The following LBR variants were observed in gnomAD, a reference collection of about 807,000 sequenced individuals.
The protein encoded by LBR is delta(14)-sterol reductase LBR.
A neutral mutation model predicts 74.3 loss-of-function variants in LBR; 28 were observed. That is an observed-to-expected ratio of 0.38 (90% CI 0.28 to 0.52). The LOEUF is 0.52. Among genes scored for constraint, LBR ranks in the 20% least tolerant of loss-of-function variants. The probability of loss-of-function intolerance (pLI) is 0.89; values close to 1 mark genes in which losing one functional copy is unlikely to be tolerated. For synonymous variants in LBR, 228 were observed against 269.3 expected, an observed-to-expected ratio of 0.85 and a Z score of 1.50; for missense variants, 717 against 760.3, an observed-to-expected ratio of 0.94 and a Z score of 0.67.
intron 6 of LBR, 22 bp from the exon 7 acceptor site, chr1:225,415,354 A>G: frequency 1.5e-6 from 2 of 1,370,060 alleles, no homozygotes; most frequent in Non-Finnish European, 2.1e-6. Context: ...AAAAATTTAC[A>G]AATTTACTAA....
At chr1:225,404,033 G>C (rs2096086509) in intron 13 of LBR, among the ~76,000 whole-genome samples, 2 of 151,748 alleles carry the variant, frequency 1.3e-5, no homozygotes, top group African/African-American at 4.9e-5. Context: ...TCCCCACGAG[G>C]CCAGACACAC....
chr1:225,423,887 C>T (rs1261688013), intron 2 of LBR, 24 bp downstream of exon 2: 2 of 1,604,968 alleles, frequency 1.2e-6, no homozygotes, highest in Non-Finnish European at 8.5e-7. Flanking sequence ...TAAACACACT[C>T]TGATAAACCA....
At chr1:225,426,223 C>A (rs991744167) in intron 1 of LBR, among the ~76,000 whole-genome samples, 1 of 152,220 alleles carries the variant, frequency 6.6e-6, no homozygotes, top group African/African-American at 2.4e-5. Flanking sequence ...TACACAAGAT[C>A]CACACACAAT....
chr1:225,412,411 C>T, intron 8 of LBR, 43 bp downstream of exon 8: 2 of 1,580,440 alleles, frequency 1.3e-6, no homozygotes, highest in East Asian at 2.2e-5. Flanking sequence ...TGCTGGAGGG[C>T]TCTGGGACGC....
intron 6 of LBR, among the ~76,000 whole-genome samples, chr1:225,417,229 C>A (rs17558203): frequency 6.6e-6 from 1 of 152,134 alleles, no homozygotes; most frequent in South Asian, 2.1e-4. Context: ...CAGCTCTACC[C>A]TCCTATCACT....
rs2096092478 is a variant in LBR, at chr1:225,406,714, T to C, written c.1433A>G (p.His478Arg). The C allele has an allele frequency of 1.2e-6, 2 of 1,613,860 alleles. No individual in the cohort carries two copies. Among genetic ancestry groups the C allele is most frequent in the African/African-American group, 1.3e-5 (1 of 74,984 alleles). The part of the protein sequence containing the change: ...YSFQAFYLVS[H>R]PNEVSWPMAS... ...CATTGGCCAAGACACTTCATTTGGATGACTGACTAAATAAAAGGCTTGGAA... is the reference window on the plus strand; with the variant it reads ...CATTGGCCAAGACACTTCATTTGGACGACTGACTAAATAAAAGGCTTGGAA... The change falls in exon 11 of 14, where the codon CAT (histidine) becomes CGT (arginine). Residue 478 changes from histidine to arginine, a missense_variant. By Grantham distance (29) the His-to-Arg change is conservative. Coordinates refer to ENST00000272163, the MANE Select transcript of LBR (RefSeq NM_002296.4).
intron 6 of LBR, 59 bp from the exon 7 acceptor site, chr1:225,415,391 T>C (rs972102201): frequency 7.5e-6 from 6 of 800,334 alleles, no homozygotes; most frequent in Non-Finnish European, 1.0e-5. Flanking sequence ...TATACATATA[T>C]ACACACACAC....
intron 11 of LBR, 169 bp downstream of exon 11, chr1:225,406,495 C>G (rs2096091915): frequency 1.6e-6 from 1 of 610,168 alleles, no homozygotes; most frequent in East Asian, 2.8e-5. Context: ...TACGAACCAT[C>G]CATTCTCTTT....
At chr1:225,411,188 CAAGA>C in intron 9 of LBR, 145 bp downstream of exon 9, 1 of 697,958 alleles carries the variant, frequency 1.4e-6, no homozygotes, top group Non-Finnish European at 2.6e-6. Flanking sequence ...AAAATACTTA[CAAGA>C]AAGTATTTTG....
At chr1:225,407,528 C>T (rs2096094794) in intron 10 of LBR, among the ~76,000 whole-genome samples, 1 of 152,142 alleles carries the variant, frequency 6.6e-6, no homozygotes, top group African/African-American at 2.4e-5. Context: ...GTGCATTACT[C>T]CCTGGTGATT....
chr1:225,420,011 T>C (rs532863849), intron 3 of LBR, among the ~76,000 whole-genome samples: 19 of 152,296 alleles, frequency 1.2e-4, no homozygotes, highest in African/African-American at 4.6e-4. Flanking sequence ...GATTTCTACA[T>C]AAAATCTTTC....
intron 13 of LBR, 29 bp from the exon 14 acceptor site, chr1:225,403,492 G>T: frequency 2.6e-6 from 4 of 1,539,190 alleles, no homozygotes; most frequent in Non-Finnish European, 2.7e-6. Flanking sequence ...CACAGTATTA[G>T]ATATTTTTAT....
intron 2 of LBR, among the ~76,000 whole-genome samples, chr1:225,423,135 G>C (rs2096131169): frequency 6.6e-6 from 1 of 152,190 alleles, no homozygotes; most frequent in African/African-American, 2.4e-5. Context: ...GTATGGAAAT[G>C]TTTATAGCAT....
Position 225,410,431 on chromosome 1 carries a change from G to C in LBR, c.1189-15C>G, listed in dbSNP as rs2096102426. On this transcript the variant is annotated splice_polypyrimidine_tract_variant and intron_variant, in intron 9 of 13. Coordinates refer to ENST00000272163, the MANE Select transcript of LBR (RefSeq NM_002296.4). ...TTAATAACCACCTGAAACAAAAGGG[G>C]AAAGTATATAGCCTCAAAGCACCTC... The C allele has an allele frequency of 6.2e-7, 1 of 1,613,788 alleles. No homozygotes were observed. Among genetic ancestry groups the C allele is most frequent in the Non-Finnish European group, 8.5e-7 (1 of 1,179,894 alleles).
intron 11 of LBR, among the ~76,000 whole-genome samples, chr1:225,405,017 A>C (rs2096088540): frequency 6.6e-6 from 1 of 152,250 alleles, no homozygotes; most frequent in African/African-American, 2.4e-5. Flanking sequence ...AAGGCAAAAC[A>C]AATATAGTTA....
At position 225,418,061 on chromosome 1, in the gene LBR, A is replaced by G. The variant is rs1393344778; in HGVS notation, c.760T>C (p.Trp254Arg). 13 of 1,614,122 alleles carry G rather than the reference A, an allele frequency of 8.1e-6. No individual in the cohort carries two copies. The highest frequency in any genetic ancestry group is 6.6e-5 in the South Asian group (6 of 91,094). The stretch of plus-strand genomic sequence containing the variant: ...TAGACCCCAAATACTCTGGTTTCCC[A>G]TAACTCATACAAAGCTGGCAAAGGA... ...PPPLPALYELWETRVFGVYLL... is the reference protein window; with the variant it reads ...PPPLPALYELRETRVFGVYLL... The change falls in exon 6 of 14, where the codon TGG becomes CGG. Residue 254 changes from tryptophan (W) to arginine (R), a missense_variant. Coordinates refer to ENST00000272163, the MANE Select transcript of LBR (RefSeq NM_002296.4).
At chr1:225,421,803 A>G (rs2096127922) in intron 3 of LBR, among the ~76,000 whole-genome samples, 1 of 152,230 alleles carries the variant, frequency 6.6e-6, no homozygotes, top group Non-Finnish European at 1.5e-5. Context: ...AACCTTACGC[A>G]GTTCAATCTA....
chr1:225,416,851 G>C (rs554961026), intron 6 of LBR, among the ~76,000 whole-genome samples: 1 of 152,280 alleles, frequency 6.6e-6, no homozygotes, highest in Non-Finnish European at 1.5e-5. Context: ...AGGCAACAAA[G>C]TATACAAGGA....
intron 7 of LBR, chr1:225,414,049 C>G: frequency 2.2e-6 from 1 of 456,796 alleles, no homozygotes; most frequent in Non-Finnish European, 4.4e-6. Context: ...CTCACCTTCC[C>G]TGGTGTGGTA....
Sources: allele counts gnomAD v4.1 joint callset (sites outside exome capture counted in the v4.1 genomes callset), GRCh38; gene constraint gnomAD v4.1.1; transcripts MANE v1.5; gene names NCBI Gene and HGNC (gene_info 2026-07-23, HGNC 2026-07-21).